The following MAGI2 variants were observed in gnomAD, a reference collection of about 807,000 sequenced individuals.
MAGI2 encodes membrane-associated guanylate kinase, WW and PDZ domain-containing protein 2.
Under a neutral mutation model 133.3 loss-of-function variants are expected in MAGI2, and 35 were observed. That is an observed-to-expected ratio of 0.26 (90% CI 0.20 to 0.35). MAGI2 has a LOEUF of 0.35. MAGI2 is among the 10% of genes least tolerant of loss of function. MAGI2 has a pLI of 1.00. For missense variants in MAGI2, 1,636 were observed against 1,863.4 expected, an observed-to-expected ratio of 0.88 and a Z score of 2.25; for synonymous variants, 729 against 710.6, an observed-to-expected ratio of 1.03 and a Z score of -0.41.
intron 9 of MAGI2, among the ~76,000 whole-genome samples, chr7:78,257,584 A>AT (rs1793119270): frequency 1.3e-5 from 2 of 152,284 alleles, no homozygotes; most frequent in East Asian, 1.9e-4. Context: ...TCAGAGAAAT[A>AT]TTTTTTCCTG....
Position 78,160,190 on chromosome 7 carries a change from T to G in MAGI2, c.2680A>C (p.Thr894Pro). Residue 894 changes from threonine to proline, a missense_variant, in exon 16 of 22, where the codon ACC (threonine) becomes CCC (proline). Physicochemically the swap from Thr to Pro is conservative, Grantham distance 38. Coordinates refer to ENST00000354212, the MANE Select transcript of MAGI2 (RefSeq NM_012301.4). ...CTGGGGGCAGCGTGGTTGCTGTTGG[T>G]GTAGGTTGCGTAGTCACTGCGTGGA... ...SSPRSDYATY[T>P]NSNHAAPSSN... is the part of the protein sequence containing the mutation. 1 of 1,612,636 alleles carries G rather than the reference T, an allele frequency of 6.2e-7. No homozygotes were observed. Among genetic ancestry groups the G allele is most frequent in the Non-Finnish European group, 8.5e-7 (1 of 1,179,320 alleles).
At chr7:79,239,868 C>T (rs1832249242) in intron 1 of MAGI2, among the ~76,000 whole-genome samples, 1 of 152,176 alleles carries the variant, frequency 6.6e-6, no homozygotes, top group South Asian at 2.1e-4. Context: ...ATCCTTTTTC[C>T]AGGTGGCCCT....
Position 79,298,651 on chromosome 7 carries a change from C to T in MAGI2, c.301+154369G>A, listed in dbSNP as rs567188373. 2.6e-5 allele frequency among the ~76,000 whole-genome samples: 4 copies of T among 152,132 alleles called. No homozygotes were observed. The East Asian group carries it at 7.7e-4, about 29-fold the overall frequency. ...ATTTAAGCATGGTCTCTACTTGGGGCTAAATTGTGTCCCCCCAAAATTCAT... is the reference window on the plus strand; with the variant it reads ...ATTTAAGCATGGTCTCTACTTGGGGTTAAATTGTGTCCCCCCAAAATTCAT... On this transcript the variant is annotated intron_variant, in intron 1 of 21. Coordinates refer to ENST00000354212, the MANE Select transcript of MAGI2 (RefSeq NM_012301.4).
chr7:78,634,548 T>C (rs1283751438), intron 2 of MAGI2, among the ~76,000 whole-genome samples: 1 of 152,196 alleles, frequency 6.6e-6, no homozygotes, highest in Non-Finnish European at 1.5e-5. Context: ...AAGGAAAATA[T>C]ATGTGATATG....
At chr7:78,070,932 C>CA (rs1252390480) in intron 21 of MAGI2, among the ~76,000 whole-genome samples, 2 of 152,004 alleles carry the variant, frequency 1.3e-5, no homozygotes, top group East Asian at 3.9e-4. Flanking sequence ...CTCGGCCTCC[C>CA]AAAGTGCTAG....
chr7:79,429,545 T>TC (rs1585950718), intron 1 of MAGI2, among the ~76,000 whole-genome samples: 1 of 152,134 alleles, frequency 6.6e-6, no homozygotes, highest in East Asian at 1.9e-4. Flanking sequence ...CCTCAAGTGA[T>TC]CCGCCTGCTG....
chr7:79,322,616 C>T (rs1839274682), intron 1 of MAGI2, among the ~76,000 whole-genome samples: 1 of 151,896 alleles, frequency 6.6e-6, no homozygotes, highest in East Asian at 1.9e-4. Context: ...TGAAACCCGT[C>T]TCTACTAAAA....
At chr7:78,770,988 G>C (rs1461986144) in intron 2 of MAGI2, 4 of 152,164 alleles carry the variant, frequency 2.6e-5, no homozygotes, top group Non-Finnish European at 5.9e-5. Context: ...GATAGAAGTA[G>C]TCTCAGCTGA....
intron 10 of MAGI2, among the ~76,000 whole-genome samples, chr7:78,227,857 T>TGTGTGC (rs1789558381): frequency 8.4e-6 from 1 of 119,732 alleles, no homozygotes; most frequent in African/African-American, 3.7e-5. Flanking sequence ...CAGTTGTGTG[T>TGTGTGC]GTGTGTGTGT....
intron 1 of MAGI2, among the ~76,000 whole-genome samples, chr7:79,223,117 C>T (rs1225170355): frequency 6.6e-6 from 1 of 152,010 alleles, no homozygotes; most frequent in Non-Finnish European, 1.5e-5. Flanking sequence ...GATCTCCTGA[C>T]CTCGTGATCC....
At chr7:78,328,479 G>A (rs919623917) in intron 9 of MAGI2, among the ~76,000 whole-genome samples, 1 of 90,904 alleles carries the variant, frequency 1.1e-5, no homozygotes, top group Admixed American at 1.2e-4. Flanking sequence ...TTATATCTCA[G>A]CTCTTGTTGC....
chr7:78,773,547 CAG>C (rs1315108423), intron 2 of MAGI2, among the ~76,000 whole-genome samples: 2 of 152,156 alleles, frequency 1.3e-5, no homozygotes, highest in African/African-American at 2.4e-5. Context: ...AAAAAGAAAA[CAG>C]AGTGTTTTTC....
chr7:78,209,628 C>G, intron 10 of MAGI2, among the ~76,000 whole-genome samples: 1 of 152,046 alleles, frequency 6.6e-6, no homozygotes, highest in East Asian at 1.9e-4. Flanking sequence ...TTTTCTGTCT[C>G]CGAAATCTAT....
At chr7:78,674,850 TAA>T (rs1814818221) in intron 2 of MAGI2, among the ~76,000 whole-genome samples, 1 of 152,166 alleles carries the variant, frequency 6.6e-6, no homozygotes, top group East Asian at 1.9e-4. Context: ...CATGACTATA[TAA>T]AGTTTTGAAC....
chr7:78,538,894 C>T (rs981459874), intron 3 of MAGI2, among the ~76,000 whole-genome samples: 2 of 152,096 alleles, frequency 1.3e-5, no homozygotes, highest in Non-Finnish European at 2.9e-5. Context: ...GATATTCAGG[C>T]AACAACTAGC....
intron 3 of MAGI2, among the ~76,000 whole-genome samples, chr7:78,591,003 T>C (rs1330679138): frequency 2.0e-5 from 3 of 152,192 alleles, no homozygotes; most frequent in East Asian, 1.9e-4. Flanking sequence ...CTGACTTTCC[T>C]CTCTATATTT....
chr7:78,566,123 G>A (rs1800917659), intron 3 of MAGI2, among the ~76,000 whole-genome samples: 1 of 152,214 alleles, frequency 6.6e-6, no homozygotes, highest in Non-Finnish European at 1.5e-5. Context: ...TGGCCCCGTT[G>A]ATGACATCTC....
chr7:78,627,090 A>T (rs1046511041), intron 3 of MAGI2, 30 bp downstream of exon 3: 2 of 1,550,536 alleles, frequency 1.3e-6, no homozygotes, highest in African/African-American at 1.4e-5. Flanking sequence ...GATGCCAACA[A>T]GAAAGATTTC....
intron 10 of MAGI2, chr7:78,252,374 T>C (rs1360094351): frequency 1.3e-5 from 2 of 151,936 alleles, no homozygotes; most frequent in South Asian, 2.1e-4. Flanking sequence ...TCCACATTTA[T>C]GCTAATTCAT....
Sources: gnomAD v4.1 joint callset for allele counts (sites outside exome capture counted in the v4.1 genomes callset) on GRCh38, gnomAD v4.1.1 for gene constraint, MANE v1.5 for transcripts, NCBI Gene and HGNC (gene_info 2026-07-23, HGNC 2026-07-21) for gene names.